KMT2C: variants seen among roughly 807,000 people sequenced by gnomAD.
KMT2C encodes the protein lysine methyltransferase 2C, also known as histone-lysine N-methyltransferase 2C.
A neutral mutation model predicts 507.9 loss-of-function variants in KMT2C; 88 were observed. The ratio of observed to expected loss-of-function variants is 0.17; its 90% CI spans 0.15 to 0.21. The LOEUF is 0.21. KMT2C is among the 10% of genes least tolerant of loss of function. The pLI is 1.00. For missense variants in KMT2C, 4,954 were observed against 5,957.8 expected (o/e 0.83, Z 5.55); for synonymous variants, 2,049 against 2,080.8 (o/e 0.98, Z 0.42).
chr7:152,152,640 A>T (rs556274727), intron 49 of KMT2C, 65 bp downstream of exon 49: 1 of 1,579,080 alleles, frequency 6.3e-7, no homozygotes, highest in East Asian at 2.2e-5. Context: ...TCAGTATCTC[A>T]AAGAGTAAGC....
At chr7:152,390,253 A>G (rs2097481272) in intron 1 of KMT2C, among the ~76,000 whole-genome samples, 1 of 152,308 alleles carries the variant, frequency 6.6e-6, no homozygotes, top group Admixed American at 6.5e-5. Flanking sequence ...AAAGTATTAA[A>G]TGACATAACT....
Position 152,163,439 on chromosome 7 carries a change from G to A in KMT2C, c.10138C>T (p.Pro3380Ser). 1 of 1,614,206 alleles carries A rather than the reference G, an allele frequency of 6.2e-7. No individual in the cohort carries two copies. The highest frequency in any genetic ancestry group is 8.5e-7 in the Non-Finnish European group (1 of 1,180,034). ...TTGTCATCAAATTCTACCCGAGGTG[G>A]TGGTCCACTCTGTGGATTTGCATTT... ...VSNANPQSGP[P>S]PRVEFDDNNP... The change falls in exon 43 of 59, where the codon CCA becomes TCA. Residue 3380 changes from proline to serine, a missense_variant. Pro to Ser is a moderately conservative substitution (Grantham distance 74). Coordinates refer to ENST00000262189, the MANE Select transcript of KMT2C (RefSeq NM_170606.3).
At position 152,144,144 on chromosome 7, in the gene KMT2C, CCA is replaced by C. The variant is rs2090875841; in HGVS notation, c.14343+567_14343+568del. ...TTGACAAAGTAAGAGCTTTGTAATT[CCA>C]TTCTGAGACATCCAAGGAGAAAAAT... On this transcript the variant is annotated intron_variant, in intron 55 of 58. Transcript: ENST00000262189. The surrounding 1 kb of genome is among the most constrained non-coding windows in gnomAD (Gnocchi z 4.4). 6.6e-6 allele frequency among the ~76,000 whole-genome samples: 1 copy of C among 152,156 alleles called. No homozygotes were observed. Among genetic ancestry groups the C allele is most frequent in the African/African-American group, 2.4e-5 (1 of 41,426 alleles).
Position 152,224,784 on chromosome 7 carries a change from C to T in KMT2C, c.2977-168G>A, listed in dbSNP as rs545728046. 2.2e-4 allele frequency among the ~76,000 whole-genome samples: 34 copies of T among 152,326 alleles called. No homozygotes were observed. The South Asian group carries it at 6.2e-3, about 28-fold the overall frequency. On this transcript the variant is annotated intron_variant, in intron 18 of 58. Coordinates refer to ENST00000262189, the MANE Select transcript of KMT2C (RefSeq NM_170606.3). ...CAATACTGGGTTGGGCATGTTCATA[C>T]ACGCTTTTAGAAGCCTACTGAGCAG...
intron 1 of KMT2C, among the ~76,000 whole-genome samples, chr7:152,372,571 T>C (rs1429734867): frequency 1.3e-5 from 2 of 152,286 alleles, no homozygotes; most frequent in South Asian, 2.1e-4. Context: ...ACACACATGT[T>C]AACCAAAGAG....
intron 46 of KMT2C, among the ~76,000 whole-genome samples, chr7:152,155,319 T>C (rs1453343842): frequency 1.3e-5 from 2 of 152,184 alleles, no homozygotes; most frequent in Non-Finnish European, 2.9e-5. Flanking sequence ...AGTGGGCAGA[T>C]TTTCCAAAGA....
chr7:152,319,620 G>C (rs1029700890), intron 3 of KMT2C, among the ~76,000 whole-genome samples: 2 of 151,940 alleles, frequency 1.3e-5, no homozygotes, highest in Non-Finnish European at 2.9e-5. Context: ...CTCTTGTGGA[G>C]GGCCTGACAT....
chr7:152,318,990 A>C (rs1228620830), intron 3 of KMT2C, among the ~76,000 whole-genome samples: 1 of 152,194 alleles, frequency 6.6e-6, no homozygotes, highest in East Asian at 1.9e-4. Flanking sequence ...AAATGCTCCG[A>C]AATTCAAAAC....
chr7:152,414,825 A>G (rs1292273601), intron 1 of KMT2C, among the ~76,000 whole-genome samples: 1 of 151,830 alleles, frequency 6.6e-6, no homozygotes, highest in Non-Finnish European at 1.5e-5. Flanking sequence ...GTAATGAAAT[A>G]AGTTAACTTC....
chr7:152,330,169 TGGG>T (rs376494504), intron 3 of KMT2C, among the ~76,000 whole-genome samples: 66 of 41,010 alleles, frequency 1.6e-3, no homozygotes, highest in Non-Finnish European at 1.3e-4. Flanking sequence ...GGAGGGGTGG[TGGG>T]GGGGGGGAGA....
chr7:152,270,728 A>G (rs2095948730), intron 7 of KMT2C, among the ~76,000 whole-genome samples: 1 of 152,126 alleles, frequency 6.6e-6, no homozygotes, highest in Non-Finnish European at 1.5e-5. Flanking sequence ...TATCTACTAG[A>G]TGGATTTTTA....
At chr7:152,137,051 T>C (rs946001996) in intron 58 of KMT2C, 127 bp from the exon 59 acceptor site, 9 of 717,518 alleles carry the variant, frequency 1.3e-5, no homozygotes, top group Admixed American at 2.2e-5. Flanking sequence ...ACCTGATTTA[T>C]TGAGGTTCCA....
chr7:152,315,360 T>A (rs2129202778), intron 3 of KMT2C, 22 bp from the exon 4 acceptor site: 1 of 1,584,036 alleles, frequency 6.3e-7, no homozygotes, highest in Non-Finnish European at 8.7e-7. Context: ...GAAATGTAAG[T>A]CAGAGAAGGA....
intron 14 of KMT2C, among the ~76,000 whole-genome samples, chr7:152,241,554 T>G (rs1314122517): frequency 1.3e-5 from 2 of 152,190 alleles, no homozygotes; most frequent in Non-Finnish European, 2.9e-5. Context: ...AGACCTTTCC[T>G]TAGTGCTCCC....
In KMT2C at chr7:152,194,544, G is replaced by C. The variant is rs1280744354; in HGVS notation, c.4403C>G (p.Pro1468Arg). The stretch of plus-strand genomic sequence containing the variant: ...GACATTTGGCTGAGGCAAAGAGGAA[G>C]GATCATCAGTGACAGGACCAATATC... The part of the protein sequence containing the change: ...HSDIGPVTDD[P>R]SSLPQPNVNQ... Residue 1468 changes from proline to arginine, a missense_variant, in exon 29 of 59, where the codon CCT (proline) becomes CGT (arginine). Pro to Arg is a moderately radical substitution (Grantham distance 103). Coordinates refer to ENST00000262189, the MANE Select transcript of KMT2C (RefSeq NM_170606.3). 1 of 1,612,722 alleles carries C rather than the reference G, an allele frequency of 6.2e-7. No individual in the cohort carries two copies.
intron 1 of KMT2C, among the ~76,000 whole-genome samples, chr7:152,429,598 G>A (rs376928878): frequency 3.3e-4 from 50 of 151,444 alleles, no homozygotes; most frequent in African/African-American, 1.2e-3. Context: ...TCAGCTCACT[G>A]CAACCTCTGC....
chr7:152,273,196 AAG>A (rs2096009957), intron 7 of KMT2C, among the ~76,000 whole-genome samples: 1 of 152,210 alleles, frequency 6.6e-6, no homozygotes, highest in African/African-American at 2.4e-5. Context: ...ACAGAAGACT[AAG>A]ATAGATGAAT....
chr7:152,338,969 GA>G (rs2096964424), intron 2 of KMT2C, among the ~76,000 whole-genome samples: 1 of 152,174 alleles, frequency 6.6e-6, no homozygotes, highest in Non-Finnish European at 1.5e-5. Context: ...CAAGTTCACA[GA>G]AATAAAGCAT....
At chr7:152,376,145 C>T (rs756717200) in intron 1 of KMT2C, among the ~76,000 whole-genome samples, 5 of 152,174 alleles carry the variant, frequency 3.3e-5, no homozygotes, top group African/African-American at 7.2e-5. Context: ...CCATGAACCA[C>T]GCCCACATAA....
Sources: allele counts gnomAD v4.1 joint callset (sites outside exome capture counted in the v4.1 genomes callset), GRCh38; gene constraint gnomAD v4.1.1; non-coding constraint Gnocchi (gnomAD v3.1); transcripts MANE v1.5; gene names NCBI Gene and HGNC (gene_info 2026-07-23, HGNC 2026-07-21).